The following XKR6 variants were observed in gnomAD, a reference collection of about 807,000 sequenced individuals.
The protein encoded by XKR6 is XK-related protein 6.
In XKR6, 22 loss-of-function variants were observed where a neutral mutation model predicts 56.7. The observed-to-expected ratio is 0.39, with a 90% CI of 0.28 to 0.55. XKR6 has a LOEUF of 0.55. Among genes scored for constraint, XKR6 ranks in the 20% least tolerant of loss-of-function variants. XKR6 has a pLI of 0.66. For missense variants in XKR6, 852 were observed against 889.0 expected (o/e 0.96, Z 0.53); for synonymous variants, 524 against 387.8 (o/e 1.35, Z -4.13).
intron 1 of XKR6, among the ~76,000 whole-genome samples, chr8:11,018,834 C>T (rs566295801): frequency 6.5e-4 from 99 of 152,278 alleles, no homozygotes; most frequent in Non-Finnish European, 1.1e-3. Flanking sequence ...TTCTACCTAG[C>T]GACCTGCCTT....
At chr8:11,136,621 G>A (rs1800417113) in intron 1 of XKR6, among the ~76,000 whole-genome samples, 1 of 152,112 alleles carries the variant, frequency 6.6e-6, no homozygotes, top group Non-Finnish European at 1.5e-5. Context: ...CCTCATGAGT[G>A]GGATTAGTAC....
At chr8:11,129,611 G>A (rs1800000896) in intron 1 of XKR6, among the ~76,000 whole-genome samples, 1 of 152,072 alleles carries the variant, frequency 6.6e-6, no homozygotes, top group Non-Finnish European at 1.5e-5. Context: ...TTAAGAAGAC[G>A]TTTCTTAAAA....
At chr8:11,190,183 AAAAGAAAGAAAGAAAGAAAGAAAAGAAAG>A (rs1362454426) in intron 1 of XKR6, among the ~76,000 whole-genome samples, 1 of 130,648 alleles carries the variant, frequency 7.7e-6, no homozygotes, top group Non-Finnish European at 1.6e-5. Context: ...GAAAAGAAAG[AAAAGAAAGAAAGAAAGAAAGAAAAGAAAG>A]AAAGAAAGAA....
chr8:11,029,839 A>T (rs1798951894), intron 1 of XKR6, among the ~76,000 whole-genome samples: 1 of 151,628 alleles, frequency 6.6e-6, no homozygotes, highest in African/African-American at 2.4e-5. Context: ...CCCCTTCAAA[A>T]TCTCTCTTGG....
At chr8:10,933,522 T>C (rs1801127475) in intron 1 of XKR6, among the ~76,000 whole-genome samples, 2 of 127,280 alleles carry the variant, frequency 1.6e-5, no homozygotes, top group Non-Finnish European at 1.7e-5. Flanking sequence ...AGGGTTTTTA[T>C]GGTTTTAGGT....
chr8:10,964,257 C>T (rs1802149096), intron 1 of XKR6, among the ~76,000 whole-genome samples: 1 of 152,166 alleles, frequency 6.6e-6, no homozygotes, highest in Non-Finnish European at 1.5e-5. Flanking sequence ...GTTCTAAAAA[C>T]CCAATACCCC....
chr8:11,052,351 A>G (rs1799571864), intron 1 of XKR6, among the ~76,000 whole-genome samples: 1 of 152,186 alleles, frequency 6.6e-6, no homozygotes. Flanking sequence ...TGTTTCCCAG[A>G]GCACTTGTCA....
chr8:11,103,427 G>C (rs1467725769), intron 1 of XKR6, among the ~76,000 whole-genome samples: 1 of 152,210 alleles, frequency 6.6e-6, no homozygotes, highest in Non-Finnish European at 1.5e-5. Flanking sequence ...AGCTGTCCCA[G>C]AGCCACATAG....
At chr8:11,167,486 A>G (rs568625527) in intron 1 of XKR6, among the ~76,000 whole-genome samples, 1 of 152,222 alleles carries the variant, frequency 6.6e-6, no homozygotes, top group Non-Finnish European at 1.5e-5. Flanking sequence ...GCATTGCCCA[A>G]AAACAATCCA....
At chr8:10,961,303 A>AGT (rs1428797451) in intron 1 of XKR6, among the ~76,000 whole-genome samples, 1 of 152,220 alleles carries the variant, frequency 6.6e-6, no homozygotes. Flanking sequence ...TGTGGCAGCC[A>AGT]GTTGCTGACT....
intron 1 of XKR6, among the ~76,000 whole-genome samples, chr8:11,095,778 C>T (rs181310024): frequency 1.3e-5 from 2 of 152,334 alleles, no homozygotes; most frequent in Admixed American, 1.3e-4. Flanking sequence ...GCACTGGTAA[C>T]ATTTAAAAGC....
intron 1 of XKR6, among the ~76,000 whole-genome samples, chr8:11,084,902 G>A (rs1712386132): frequency 6.6e-6 from 1 of 152,186 alleles, no homozygotes; most frequent in Non-Finnish European, 1.5e-5. Flanking sequence ...CAGCTCCTAA[G>A]AAAACAGTGC....
At chr8:10,971,690 T>C (rs542644621) in intron 1 of XKR6, among the ~76,000 whole-genome samples, 2 of 152,214 alleles carry the variant, frequency 1.3e-5, no homozygotes, top group African/African-American at 4.8e-5. Flanking sequence ...CTCAGGACCA[T>C]GGAAATATCC....
At chr8:11,012,031 T>A (rs2129146160) in intron 1 of XKR6, among the ~76,000 whole-genome samples, 1 of 152,316 alleles carries the variant, frequency 6.6e-6, no homozygotes, top group East Asian at 1.9e-4. Context: ...CCCTGAGCTA[T>A]TCTCAGCCCC....
At chr8:10,920,678 G>A (rs28488802) in intron 2 of XKR6, among the ~76,000 whole-genome samples, 32,065 of 152,198 alleles carry the variant, frequency 0.21, 3,776 homozygotes, top group African/African-American at 0.27. Flanking sequence ...ATGAGGACAC[G>A]ACTCTAGAAG....
At chr8:11,140,877 G>A (rs1393572913) in intron 1 of XKR6, among the ~76,000 whole-genome samples, 2 of 127,396 alleles carry the variant, frequency 1.6e-5, no homozygotes, top group African/African-American at 3.3e-5. Flanking sequence ...CAGCCTGGGC[G>A]ACAGAGCGAG....
chr8:11,028,861 A>C (rs1798928651), intron 1 of XKR6, among the ~76,000 whole-genome samples: 1 of 152,190 alleles, frequency 6.6e-6, no homozygotes, highest in Non-Finnish European at 1.5e-5. Flanking sequence ...AGATGTGCTC[A>C]GTGGCTTGTC....
intron 1 of XKR6, chr8:11,108,684 A>C (rs1363703034): frequency 4.6e-6 from 1 of 217,104 alleles, no homozygotes; most frequent in Non-Finnish European, 9.1e-6. Flanking sequence ...GCAATGAGCG[A>C]CCTTCAAGAT....
At chr8:11,055,100 T>C (rs1475625292) in intron 1 of XKR6, among the ~76,000 whole-genome samples, 1 of 152,178 alleles carries the variant, frequency 6.6e-6, no homozygotes, top group Non-Finnish European at 1.5e-5. Flanking sequence ...ATTAAAATGG[T>C]AAGGCTGACT....
Sources: allele counts gnomAD v4.1 joint callset (sites outside exome capture counted in the v4.1 genomes callset), GRCh38; gene constraint gnomAD v4.1.1; transcripts MANE v1.5; gene names NCBI Gene and HGNC (gene_info 2026-07-23, HGNC 2026-07-21).